The following EGFR variants were observed in gnomAD, a reference collection of about 807,000 sequenced individuals.
EGFR encodes epidermal growth factor receptor.
EGFR carries 58 observed loss-of-function variants against 143.0 expected under a neutral mutation model. The ratio of observed to expected loss-of-function variants is 0.41; its 90% CI spans 0.33 to 0.50. The LOEUF is 0.50. EGFR is among the 20% of genes least tolerant of loss of function. EGFR has a pLI of 0.39. For synonymous variants in EGFR, 613 were observed against 594.4 expected (o/e 1.03, Z -0.45); for missense variants, 1,307 against 1,579.0 (o/e 0.83, Z 2.92).
chr7:55,061,649 T>TGTGTGTGTGTGAGA (rs1432070752), intron 1 of EGFR, among the ~76,000 whole-genome samples: 109 of 132,812 alleles, frequency 8.2e-4, no homozygotes, highest in African/African-American at 1.8e-3. Context: ...TGTGTGTGTG[T>TGTGTGTGTGTGAGA]GAGAGAGAGA....
Position 55,026,843 on chromosome 7 carries a change from C to G in EGFR, c.88+7478C>G, listed in dbSNP as rs567362738. Among the ~76,000 whole-genome samples the G allele has an allele frequency of 7.5e-4, 113 of 150,522 alleles. 1 individual carries two copies. Among genetic ancestry groups the G allele is most frequent in the African/African-American group, 2.6e-3 (108 of 40,896 alleles). ...ACCAGGAGTGCCTCCCAGGTTTTAA[C>G]TAAAGAAAACCTCTCTTTAACTGCC... On this transcript the variant is annotated intron_variant, in intron 1 of 27. Transcript: ENST00000275493.
At chr7:55,142,226 T>C in intron 1 of EGFR, 60 bp from the exon 2 acceptor site, 3 of 1,605,154 alleles carry the variant, frequency 1.9e-6, no homozygotes, top group Non-Finnish European at 2.6e-6. Flanking sequence ...GAGGGATTGT[T>C]TTATTTTAGT....
intron 1 of EGFR, among the ~76,000 whole-genome samples, chr7:55,064,896 T>G (rs1172916451): frequency 6.6e-6 from 1 of 152,228 alleles, no homozygotes; most frequent in Non-Finnish European, 1.5e-5. Context: ...CATATACCAA[T>G]AGCCCAAGAG....
At chr7:55,067,418 G>T (rs1450205609) in intron 1 of EGFR, among the ~76,000 whole-genome samples, 1 of 151,502 alleles carries the variant, frequency 6.6e-6, no homozygotes, top group Non-Finnish European at 1.5e-5. Context: ...AACGCAGAAT[G>T]ACTGGGAAAG....
intron 1 of EGFR, among the ~76,000 whole-genome samples, chr7:55,030,337 T>G (rs1445296172): frequency 1.3e-5 from 2 of 152,242 alleles, no homozygotes; most frequent in Non-Finnish European, 2.9e-5. Flanking sequence ...TTTCTGTATA[T>G]TTCTGTGTAT....
chr7:55,074,001 TC>T (rs1789988583), intron 1 of EGFR, among the ~76,000 whole-genome samples: 1 of 152,214 alleles, frequency 6.6e-6, no homozygotes, highest in Admixed American at 6.5e-5. Flanking sequence ...GACACACCCT[TC>T]CCCTAGTCTG....
chr7:55,136,415 C>T (rs7803520), intron 1 of EGFR, among the ~76,000 whole-genome samples: 4,243 of 152,268 alleles, frequency 0.028, 221 homozygotes, highest in African/African-American at 0.097. Flanking sequence ...CTCAGGCACA[C>T]GGAAACGAGA....
chr7:55,089,397 A>C (rs1409476648), intron 1 of EGFR, among the ~76,000 whole-genome samples: 1 of 152,192 alleles, frequency 6.6e-6, no homozygotes, highest in Admixed American at 6.5e-5. Context: ...TTTTCAATGG[A>C]GGAATTTTTA....
intron 1 of EGFR, among the ~76,000 whole-genome samples, chr7:55,113,865 C>T (rs1792667276): frequency 6.6e-6 from 1 of 152,192 alleles, no homozygotes; most frequent in African/African-American, 2.4e-5. Flanking sequence ...TGCCTGCCTT[C>T]CTGCAGCAGC....
At chr7:55,098,608 G>A (rs1427021924) in intron 1 of EGFR, among the ~76,000 whole-genome samples, 1 of 152,090 alleles carries the variant, frequency 6.6e-6, no homozygotes, top group Non-Finnish European at 1.5e-5. Context: ...TATAAGTACT[G>A]TATGCATATT....
At chr7:55,079,699 C>T (rs972096763) in intron 1 of EGFR, among the ~76,000 whole-genome samples, 4 of 152,104 alleles carry the variant, frequency 2.6e-5, no homozygotes, top group Non-Finnish European at 4.4e-5. Context: ...ACCCTAGGCC[C>T]GGGCCTGCTG....
chr7:55,177,934 C>G (rs538447676), intron 19 of EGFR, among the ~76,000 whole-genome samples: 1 of 152,362 alleles, frequency 6.6e-6, no homozygotes, highest in South Asian at 2.1e-4. Context: ...ACGGGACACA[C>G]GACTGAACAG....
chr7:55,170,453 C>T (rs770861870), intron 15 of EGFR: 1 of 1,614,118 alleles, frequency 6.2e-7, no homozygotes, highest in Non-Finnish European at 8.5e-7. Flanking sequence ...TCTCTTCTGC[C>T]GTCAGAGTTT....
At chr7:55,136,503 A>G in intron 1 of EGFR, among the ~76,000 whole-genome samples, 1 of 152,260 alleles carries the variant, frequency 6.6e-6, no homozygotes, top group African/African-American at 2.4e-5. Flanking sequence ...AAAAATATAA[A>G]TCCAACATGT....
chr7:55,090,168 C>T (rs1005920301), intron 1 of EGFR, among the ~76,000 whole-genome samples: 1 of 152,122 alleles, frequency 6.6e-6, no homozygotes, highest in Non-Finnish European at 1.5e-5. Flanking sequence ...AGGGTTTCAC[C>T]ATGTTGGTCA....
intron 1 of EGFR, among the ~76,000 whole-genome samples, chr7:55,105,615 G>A (rs1021381455): frequency 1.3e-5 from 2 of 152,160 alleles, no homozygotes; most frequent in Non-Finnish European, 2.9e-5. Flanking sequence ...GGCACAACTG[G>A]AGAAGCATTT....
At chr7:55,157,881 A>C in intron 11 of EGFR, 128 bp downstream of exon 11, 1 of 926,596 alleles carries the variant, frequency 1.1e-6, no homozygotes, top group Non-Finnish European at 1.7e-6. Context: ...CCCAAATGCT[A>C]TCTCACATGA....
intron 1 of EGFR, among the ~76,000 whole-genome samples, chr7:55,074,621 A>G (rs752066998): frequency 3.9e-5 from 6 of 152,232 alleles, no homozygotes; most frequent in Non-Finnish European, 7.3e-5. Flanking sequence ...TACTGTTTTC[A>G]ACTTGGATAT....
chr7:55,104,429 G>C (rs928239423), intron 1 of EGFR, among the ~76,000 whole-genome samples: 3 of 152,194 alleles, frequency 2.0e-5, no homozygotes, highest in African/African-American at 7.2e-5. Context: ...CCGGGTTTCA[G>C]TCCTGCCCTA....
Sources: allele counts gnomAD v4.1 joint callset (sites outside exome capture counted in the v4.1 genomes callset), GRCh38; gene constraint gnomAD v4.1.1; transcripts MANE v1.5; gene names NCBI Gene and HGNC (gene_info 2026-07-23, HGNC 2026-07-21).